CA10: variants seen among roughly 807,000 people sequenced by gnomAD.
CA10 encodes the protein carbonic anhydrase-related protein 10.
A neutral mutation model predicts 44.2 loss-of-function variants in CA10; 14 were observed. The ratio of observed to expected loss-of-function variants is 0.32; its 90% CI spans 0.21 to 0.50. The LOEUF (loss-of-function observed/expected upper bound fraction) is 0.50. CA10 is among the 20% of genes least tolerant of loss of function. The probability of loss-of-function intolerance (pLI) is 0.99; values close to 1 mark genes in which losing one functional copy is unlikely to be tolerated. For synonymous variants in CA10, 159 were observed against 141.6 expected (o/e 1.12, Z -0.87); for missense variants, 350 against 409.7 (o/e 0.85, Z 1.26).
intron 1 of CA10, among the ~76,000 whole-genome samples, chr17:52,133,397 T>C (rs1161152366): frequency 1.3e-5 from 2 of 152,130 alleles, no homozygotes; most frequent in East Asian, 1.9e-4. Context: ...GGAGAGAAAC[T>C]GTCAGAGATC....
chr17:51,818,174 C>T (rs1248424566), intron 3 of CA10, among the ~76,000 whole-genome samples: 1 of 152,198 alleles, frequency 6.6e-6, no homozygotes, highest in Non-Finnish European at 1.5e-5. Context: ...GAGCCTCACT[C>T]CATTCAACTG....
At chr17:51,744,546 G>A (rs1443291334) in intron 4 of CA10, among the ~76,000 whole-genome samples, 1 of 152,066 alleles carries the variant, frequency 6.6e-6, no homozygotes, top group Non-Finnish European at 1.5e-5. Flanking sequence ...GGAGTTAGAG[G>A]TTACAGTGAA....
At chr17:51,675,193 G>C (rs1277392680) in intron 4 of CA10, among the ~76,000 whole-genome samples, 2 of 152,194 alleles carry the variant, frequency 1.3e-5, no homozygotes, top group Non-Finnish European at 2.9e-5. Context: ...ATGAGGTTTG[G>C]AGGAGTAATT....
intron 1 of CA10, among the ~76,000 whole-genome samples, chr17:52,116,485 C>T (rs554356076): frequency 3.3e-5 from 5 of 152,290 alleles, no homozygotes; most frequent in African/African-American, 1.2e-4. Context: ...TAATCCCTCC[C>T]TCAGGCCCCC....
At chr17:52,126,751 T>G (rs1423587130) in intron 1 of CA10, among the ~76,000 whole-genome samples, 4 of 152,180 alleles carry the variant, frequency 2.6e-5, no homozygotes, top group African/African-American at 9.7e-5. Flanking sequence ...TATTAAATCA[T>G]TACCCATGAA....
intron 3 of CA10, among the ~76,000 whole-genome samples, chr17:51,803,909 G>A (rs1336384128): frequency 6.6e-6 from 1 of 152,174 alleles, no homozygotes; most frequent in Non-Finnish European, 1.5e-5. Flanking sequence ...TATTTCGTAT[G>A]AATTGTGTAG....
At chr17:51,850,169 C>T (rs538075788) in intron 3 of CA10, among the ~76,000 whole-genome samples, 1 of 152,328 alleles carries the variant, frequency 6.6e-6, no homozygotes, top group Admixed American at 6.5e-5. Context: ...AAACTGCTCA[C>T]ATATATCAGT....
intron 3 of CA10, among the ~76,000 whole-genome samples, chr17:51,804,912 C>T (rs1044290486): frequency 2.0e-5 from 3 of 152,122 alleles, no homozygotes; most frequent in Non-Finnish European, 4.4e-5. Context: ...TCCTTAATTG[C>T]AAATTTTCCC....
chr17:52,060,475 T>C (rs1361470666), intron 2 of CA10, among the ~76,000 whole-genome samples: 1 of 152,232 alleles, frequency 6.6e-6, no homozygotes, highest in African/African-American at 2.4e-5. Flanking sequence ...AATGTATTGC[T>C]AATGTAAGGC....
intron 2 of CA10, among the ~76,000 whole-genome samples, chr17:52,060,134 G>A (rs924660227): frequency 2.6e-5 from 4 of 152,112 alleles, no homozygotes; most frequent in Non-Finnish European, 5.9e-5. Context: ...AGGATGTAAT[G>A]CAAATGGAAC....
chr17:51,915,927 G>A (rs2143960335), intron 3 of CA10, among the ~76,000 whole-genome samples: 1 of 151,550 alleles, frequency 6.6e-6, no homozygotes, highest in African/African-American at 2.4e-5. Flanking sequence ...CAAACTGCTT[G>A]GCATAGGGCT....
intron 2 of CA10, among the ~76,000 whole-genome samples, chr17:52,048,515 G>A (rs1200791940): frequency 6.6e-6 from 1 of 151,996 alleles, no homozygotes; most frequent in African/African-American, 2.4e-5. Flanking sequence ...AGAGTACAAA[G>A]AAAGTTTAAG....
At chr17:51,801,246 TGAG>T (rs1353112813) in intron 3 of CA10, among the ~76,000 whole-genome samples, 2 of 151,758 alleles carry the variant, frequency 1.3e-5, no homozygotes, top group South Asian at 4.2e-4. Context: ...TTCGTTTGGG[TGAG>T]GAGTAGTCAG....
intron 3 of CA10, among the ~76,000 whole-genome samples, chr17:51,826,103 G>A (rs1177483311): frequency 3.9e-5 from 6 of 152,210 alleles, no homozygotes; most frequent in African/African-American, 1.2e-4. Context: ...TGGCCTTTCA[G>A]CTCCTGGGAG....
chr17:52,079,417 C>T (rs1337795049), intron 1 of CA10, among the ~76,000 whole-genome samples: 1 of 151,326 alleles, frequency 6.6e-6, no homozygotes, highest in African/African-American at 2.4e-5. Context: ...AGAGATCACA[C>T]CACTGCACCC....
At chr17:51,713,594 A>C (rs999682090) in intron 4 of CA10, among the ~76,000 whole-genome samples, 8 of 152,210 alleles carry the variant, frequency 5.3e-5, no homozygotes, top group Admixed American at 1.3e-4. Flanking sequence ...TTACTAGAGC[A>C]AAGGGTAGAG....
At chr17:51,681,441 G>A (rs890933471) in intron 4 of CA10, among the ~76,000 whole-genome samples, 2 of 152,144 alleles carry the variant, frequency 1.3e-5, no homozygotes, top group Non-Finnish European at 2.9e-5. Flanking sequence ...TATAAGGGAT[G>A]GCTTCTCAAT....
At chr17:52,138,930 C>T (rs1260490914) in intron 1 of CA10, among the ~76,000 whole-genome samples, 2 of 152,152 alleles carry the variant, frequency 1.3e-5, no homozygotes, top group South Asian at 4.1e-4. Flanking sequence ...TTGTAAGAAG[C>T]GCTTGCAGGG....
intron 2 of CA10, among the ~76,000 whole-genome samples, chr17:51,984,055 A>T (rs541856428): frequency 1.3e-5 from 2 of 151,878 alleles, no homozygotes; most frequent in Non-Finnish European, 2.9e-5. Flanking sequence ...AATTATTCTT[A>T]TTCTAGTGTT....
Sources: allele counts gnomAD v4.1 joint callset (sites outside exome capture counted in the v4.1 genomes callset), GRCh38; gene constraint gnomAD v4.1.1; transcripts MANE v1.5; gene names NCBI Gene and HGNC (gene_info 2026-07-23, HGNC 2026-07-21).